The following CHCHD3 variants were observed in gnomAD, a reference collection of about 807,000 sequenced individuals.
CHCHD3 encodes coiled-coil-helix-coiled-coil-helix domain containing 3, also known as MICOS complex subunit MIC19.
Under a neutral mutation model 38.2 loss-of-function variants are expected in CHCHD3, and 20 were observed. That is an observed-to-expected ratio of 0.52 (90% CI 0.37 to 0.76). The LOEUF (loss-of-function observed/expected upper bound fraction) is 0.76, where lower values mean the gene tolerates loss of function less well. Ranked by LOEUF, CHCHD3 falls within the 30% of genes least tolerant of loss-of-function variation. The pLI is 0.00. For missense variants in CHCHD3, 245 were observed against 279.2 expected, an observed-to-expected ratio of 0.88 and a Z score of 0.87; for synonymous variants, 82 against 100.0, an observed-to-expected ratio of 0.82 and a Z score of 1.07.
chr7:132,826,257 G>A (rs970115314), intron 6 of CHCHD3, among the ~76,000 whole-genome samples: 13 of 152,140 alleles, frequency 8.5e-5, no homozygotes, highest in African/African-American at 2.4e-4. Flanking sequence ...AGCAGCCCTT[G>A]GTTTTTCTTG....
At chr7:132,877,525 T>C (rs1808942710) in intron 5 of CHCHD3, among the ~76,000 whole-genome samples, 1 of 152,216 alleles carries the variant, frequency 6.6e-6, no homozygotes, top group Non-Finnish European at 1.5e-5. Flanking sequence ...CTGGGCCTTA[T>C]TCATTTTTCT....
intron 5 of CHCHD3, among the ~76,000 whole-genome samples, chr7:132,882,997 T>G (rs574616028): frequency 6.6e-6 from 1 of 151,822 alleles, no homozygotes; most frequent in Non-Finnish European, 1.5e-5. Flanking sequence ...GTGAGAGAGT[T>G]CTCAGATCTG....
chr7:132,955,173 G>GGTGT (rs3050414), intron 4 of CHCHD3, among the ~76,000 whole-genome samples: 22,296 of 126,132 alleles, frequency 0.18, 2,071 homozygotes, highest in East Asian at 0.25. Context: ...TCCCTCAGAG[G>GGTGT]GTGTGTGTGT....
In CHCHD3 at chr7:132,858,858, A is replaced by T. The variant is rs186565756; in HGVS notation, c.454-20389T>A. ...TCTGATCCCAGGACATGCGCTTTAC[A>T]TAGATTGTCTCATGCAAACCTGACA... On this transcript the variant is annotated intron_variant, in intron 5 of 7. Transcript: ENST00000262570. Among the ~76,000 whole-genome samples the T allele has an allele frequency of 2.3e-3, 354 of 152,318 alleles. 2 individuals carry two copies. The highest frequency in any genetic ancestry group is 8.2e-3 in the African/African-American group (339 of 41,572).
At chr7:132,870,628 G>T (rs1808744908) in intron 5 of CHCHD3, among the ~76,000 whole-genome samples, 1 of 151,610 alleles carries the variant, frequency 6.6e-6, no homozygotes, top group African/African-American at 2.4e-5. Flanking sequence ...GGTCAAACAG[G>T]TTACATGATT....
At chr7:132,942,197 A>T (rs1243123799) in intron 4 of CHCHD3, among the ~76,000 whole-genome samples, 3 of 152,158 alleles carry the variant, frequency 2.0e-5, no homozygotes, top group Non-Finnish European at 2.9e-5. Context: ...AGGGGCAGAA[A>T]GTCACACGGG....
At chr7:132,866,994 A>G (rs1808647866) in intron 5 of CHCHD3, among the ~76,000 whole-genome samples, 1 of 152,188 alleles carries the variant, frequency 6.6e-6, no homozygotes, top group African/African-American at 2.4e-5. Flanking sequence ...CCAAAACAGC[A>G]TCACGCACAC....
intron 3 of CHCHD3, among the ~76,000 whole-genome samples, chr7:133,003,089 GAAA>G: frequency 6.6e-6 from 1 of 152,142 alleles, no homozygotes; most frequent in Non-Finnish European, 1.5e-5. Flanking sequence ...GATAGTTTAT[GAAA>G]AATAAATCCT....
chr7:132,927,193 T>A (rs951411380), intron 4 of CHCHD3, among the ~76,000 whole-genome samples: 1 of 152,240 alleles, frequency 6.6e-6, no homozygotes, highest in Non-Finnish European at 1.5e-5. Context: ...AAATGCAGTA[T>A]AGAAAGTGGT....
At chr7:133,059,176 GAC>G (rs1235700836) in intron 2 of CHCHD3, among the ~76,000 whole-genome samples, 1 of 152,210 alleles carries the variant, frequency 6.6e-6, no homozygotes, top group East Asian at 1.9e-4. Context: ...GCTGAGATCA[GAC>G]ACGAGAAAAG....
intron 5 of CHCHD3, among the ~76,000 whole-genome samples, chr7:132,868,238 A>T (rs1381880169): frequency 1.3e-5 from 2 of 152,202 alleles, no homozygotes; most frequent in Non-Finnish European, 2.9e-5. Flanking sequence ...AGCTGACGGG[A>T]AGTTGTGGGA....
At chr7:133,069,051 CA>C (rs1269799142) in intron 2 of CHCHD3, among the ~76,000 whole-genome samples, 1 of 151,782 alleles carries the variant, frequency 6.6e-6, no homozygotes, top group African/African-American at 2.4e-5. Context: ...TAGAAATCAA[CA>C]AAGAACCCTG....
intron 3 of CHCHD3, among the ~76,000 whole-genome samples, chr7:132,986,835 C>G (rs1812136565): frequency 6.6e-6 from 1 of 152,196 alleles, no homozygotes; most frequent in Non-Finnish European, 1.5e-5. Flanking sequence ...GCTATCTCTA[C>G]TAGTTTTGTG....
At chr7:133,051,291 T>C (rs757506950) in intron 2 of CHCHD3, among the ~76,000 whole-genome samples, 4 of 152,214 alleles carry the variant, frequency 2.6e-5, no homozygotes, top group African/African-American at 9.6e-5. Context: ...CATTATAACA[T>C]GTTTCTGCCT....
At chr7:133,073,155 C>T (rs1362586895) in intron 1 of CHCHD3, among the ~76,000 whole-genome samples, 2 of 152,054 alleles carry the variant, frequency 1.3e-5, no homozygotes, top group Admixed American at 6.6e-5. Flanking sequence ...GCATCTAACA[C>T]CTCTGGCCAC....
chr7:132,930,746 A>C lies in CHCHD3; in HGVS notation c.369+44423T>G, dbSNP rs577911904. Among the ~76,000 whole-genome samples, 29 of 152,266 alleles carry C rather than the reference A, an allele frequency of 1.9e-4. 4 individuals carry two copies. The South Asian group carries it at 6.0e-3, about 32-fold the overall frequency. ...TTCTTGCAACATTAAGTTACTCAAC[A>C]TCCTAAAGTAGAACCCATGTTCTCC... On this transcript the variant is annotated intron_variant, in intron 4 of 7. Transcript: ENST00000262570.
chr7:132,853,414 A>G (rs1476916448), intron 5 of CHCHD3, among the ~76,000 whole-genome samples: 2 of 152,286 alleles, frequency 1.3e-5, no homozygotes, highest in East Asian at 3.9e-4. Flanking sequence ...TGAGGTCAGG[A>G]GTTCGAGACC....
At chr7:132,797,647 A>G (rs952383404) in intron 6 of CHCHD3, among the ~76,000 whole-genome samples, 1 of 152,218 alleles carries the variant, frequency 6.6e-6, no homozygotes, top group African/African-American at 2.4e-5. Flanking sequence ...AACATTTTAA[A>G]GTCCCCTGGG....
chr7:132,839,225 A>C (rs116864454), intron 5 of CHCHD3, among the ~76,000 whole-genome samples: 3,225 of 152,252 alleles, frequency 0.021, 43 homozygotes, highest in Non-Finnish European at 0.034. Context: ...TATGGAGCTT[A>C]AGTTGTTCTA....
Sources: allele counts gnomAD v4.1 joint callset (sites outside exome capture counted in the v4.1 genomes callset), GRCh38; gene constraint gnomAD v4.1.1; transcripts MANE v1.5; gene names NCBI Gene and HGNC (gene_info 2026-07-23, HGNC 2026-07-21).